The following IL9 variants were observed in gnomAD, a reference collection of about 807,000 sequenced individuals.
The protein encoded by IL9 is interleukin-9.
IL9 carries 16 observed loss-of-function variants against 12.9 expected under a neutral mutation model. The observed-to-expected ratio is 1.24, with a 90% CI of 0.84 to 1.88. The LOEUF is 1.88. Among genes scored for constraint, IL9 ranks in the 40% most tolerant of loss-of-function variants. The probability of loss-of-function intolerance (pLI) is 0.00; values close to 1 mark genes in which losing one functional copy is unlikely to be tolerated. For missense variants in IL9, 170 were observed against 173.1 expected (o/e 0.98, Z 0.10); for synonymous variants, 69 against 63.8 (o/e 1.08, Z -0.39).
chr5:135,894,020 T>C lies in IL9; in HGVS notation c.315A>G (p.Pro105=). ...ATATCACATATGAAAACAAACTTACTGGACACTTGTTGTTCTTTAGTACTT... is the reference window on the plus strand; with the variant it reads ...ATATCACATATGAAAACAAACTTACCGGACACTTGTTGTTCTTTAGTACTT... The part of the protein sequence containing the change: ...SVEVLKNNKC[P]YFSCEQPCNQ... The change falls in exon 4 of 5, where the codon CCA becomes CCG. Residue 105 remains proline (P), a splice_region_variant and synonymous_variant. Coordinates refer to ENST00000274520, the MANE Select transcript of IL9 (RefSeq NM_000590.2). The C allele has an allele frequency of 6.2e-7, 1 of 1,609,756 alleles. No individual in the cohort carries two copies. The highest frequency in any genetic ancestry group is 8.5e-7 in the Non-Finnish European group (1 of 1,179,070).
chr5:135,892,648 G>T (rs574435595), intron 4 of IL9, 138 bp from the exon 5 acceptor site: 9 of 879,578 alleles, frequency 1.0e-5, no homozygotes, highest in Non-Finnish European at 1.5e-5. Flanking sequence ...GAGACACAGA[G>T]CAAATAGGTG....
At position 135,894,099 on chromosome 5, in the gene IL9, G is replaced by C; in HGVS notation, c.236C>G (p.Thr79Ser). ...FSERLSQMTN[T>S]TMQTRYPLIF... ...CAGTGGGTATCTTGTTTGCATGGTGGTATTGGTCATCTGAGACAGTCTCTC... is the reference window on the plus strand; with the variant it reads ...CAGTGGGTATCTTGTTTGCATGGTGCTATTGGTCATCTGAGACAGTCTCTC... The change falls in exon 4 of 5, where the codon ACC (threonine) becomes AGC (serine). Residue 79 changes from threonine (T) to serine (S), a missense_variant. Coordinates refer to ENST00000274520, the MANE Select transcript of IL9 (RefSeq NM_000590.2). 6.2e-7 allele frequency: 1 copy of C among 1,613,322 alleles called. No homozygotes were observed. The highest frequency in any genetic ancestry group is 8.5e-7 in the Non-Finnish European group (1 of 1,179,492).
chr5:135,893,977 G>T, intron 4 of IL9, 43 bp downstream of exon 4: 2 of 1,565,936 alleles, frequency 1.3e-6, no homozygotes, highest in Non-Finnish European at 8.7e-7. Context: ...CATTCACATA[G>T]AAATCACCAA....
chr5:135,895,576 G>A lies in IL9; in HGVS notation c.129C>T (p.Ser43=). Residue 43 remains serine (S), a synonymous_variant, in exon 2 of 5, where the codon TCC becomes TCT. Coordinates refer to ENST00000274520, the MANE Select transcript of IL9 (RefSeq NM_000590.2). ...LINKMQEDPA[S]KCHCSANVTS... ...TCACATTAGCACTGCAGTGGCACTT[G>A]GAAGCTGGATCTTCCTAAAGTAGAT... 2 of 1,614,110 alleles carry A rather than the reference G, an allele frequency of 1.2e-6. No individual in the cohort carries two copies. Among genetic ancestry groups the A allele is most frequent in the Non-Finnish European group, 1.7e-6 (2 of 1,179,972 alleles).
intron 3 of IL9, among the ~76,000 whole-genome samples, chr5:135,894,870 C>T (rs1234174815): frequency 6.6e-6 from 1 of 152,216 alleles, no homozygotes; most frequent in African/African-American, 2.4e-5. Context: ...CTCACAACCT[C>T]AGATCCTCTA....
Position 135,894,228 on chromosome 5 carries a change from T to C in IL9, c.184-77A>G. On this transcript the variant is annotated intron_variant, in intron 3 of 4. Transcript: ENST00000274520. Reference sequence around the variant, plus strand: ...AAATATATCACAAAGAGCAATATAATAGAGATGATTTTTATTTAATCACCA... The same window carrying C: ...AAATATATCACAAAGAGCAATATAACAGAGATGATTTTTATTTAATCACCA... The C allele has an allele frequency of 6.6e-6, 9 of 1,365,530 alleles. No individual in the cohort carries two copies. In the South Asian group the frequency reaches 8.9e-5, roughly 14 times the overall value. 84.6% of individuals were successfully genotyped at this position (1,365,530 alleles called of 1,614,324 possible).
At position 135,892,500 on chromosome 5, in the gene IL9, C is replaced by G. The variant is rs752950009; in HGVS notation, c.326G>C (p.Cys109Ser). The G allele has an allele frequency of 6.2e-7, 1 of 1,612,064 alleles. No homozygotes were observed. Among genetic ancestry groups the G allele is most frequent in the South Asian group, 1.1e-5 (1 of 90,504 alleles). The part of the protein sequence containing the change: ...LKNNKCPYFS[C>S]EQPCNQTTAG... Reference sequence around the variant, plus strand: ...CGTGGTTTGGTTGCATGGCTGTTCACAGGAAAAATACTGTGGGGATGAAAG... The same window carrying G: ...CGTGGTTTGGTTGCATGGCTGTTCAGAGGAAAAATACTGTGGGGATGAAAG... The change falls in exon 5 of 5, where the codon TGT becomes TCT. Residue 109 changes from cysteine to serine, a missense_variant. Transcript: ENST00000274520.
In IL9 at chr5:135,892,340, TAAAG is replaced by T. The variant is rs776791609; in HGVS notation, c.*47_*50del. 16 of 1,405,310 alleles carry T rather than the reference TAAAG, an allele frequency of 1.1e-5. No individual in the cohort carries two copies. Among genetic ancestry groups the T allele is most frequent in the African/African-American group, 2.9e-5 (2 of 68,566 alleles). The allele number at this position is 1,405,310 out of a possible 1,614,324, so 87.1% of individuals were successfully genotyped here. ...ACTTGATTTTTAAATTGTAGCAACT[TAAAG>T]AGAAAGCTTTTTAAATTTAATAAAT... On this transcript the variant is annotated 3_prime_UTR_variant, in exon 5 of 5. Coordinates refer to ENST00000274520, the MANE Select transcript of IL9 (RefSeq NM_000590.2).
rs560050756 is a variant in IL9 at position 135,894,984 on chromosome 5, G to T, written c.183+456C>A. 2.0e-5 allele frequency among the ~76,000 whole-genome samples: 3 copies of T among 152,242 alleles called. No individual in the cohort carries two copies. The East Asian group carries it at 5.8e-4, about 29-fold the overall frequency. On this transcript the variant is annotated intron_variant, in intron 3 of 4. Coordinates refer to ENST00000274520, the MANE Select transcript of IL9 (RefSeq NM_000590.2). Reference sequence around the variant, plus strand: ...GGAGGCAGGGAGGGGGAGGTATAGCGCATAGATCATTCATGACAGATGAAA... The same window carrying T: ...GGAGGCAGGGAGGGGGAGGTATAGCTCATAGATCATTCATGACAGATGAAA...
At chr5:135,893,740 T>G (rs1028737079) in intron 4 of IL9, among the ~76,000 whole-genome samples, 1 of 152,238 alleles carries the variant, frequency 6.6e-6, no homozygotes, top group Non-Finnish European at 1.5e-5. Flanking sequence ...TTCTCTAGAT[T>G]GTAGCTTCTA....
Position 135,892,397 on chromosome 5 carries a change from C to T in IL9, c.429G>A (p.Lys143=). ...GATAAATAATATTTCATCTTCATATCTTGCCTCTCATCCCTCTCATCTTTT... is the reference window on the plus strand; with the variant it reads ...GATAAATAATATTTCATCTTCATATTTTGCCTCTCATCCCTCTCATCTTTT... ...QKEKMRGMRG[K]I Residue 143 remains lysine, a synonymous_variant, in exon 5 of 5, where the codon AAG becomes AAA. Transcript: ENST00000274520. 6.3e-7 allele frequency: 1 copy of T among 1,595,166 alleles called. No homozygotes were observed. The highest frequency in any genetic ancestry group is 8.6e-7 in the Non-Finnish European group (1 of 1,168,128).
rs765973842 is a variant in IL9 at position 135,895,812 on chromosome 5, A to G, written c.5T>C (p.Leu2Pro). The change falls in exon 1 of 5, where the codon CTT becomes CCT. Residue 2 changes from leucine to proline, a missense_variant. By Grantham distance (98) the Leu-to-Pro change is moderately conservative. Coordinates refer to ENST00000274520, the MANE Select transcript of IL9 (RefSeq NM_000590.2). ...GGCAGAGGTAAGGACCATGGCCAGA[A>G]GCATCTTGACAGCGGACTGGAGCTC... Reference protein sequence around the residue: MLLAMVLTSALL... With the variant: MPLAMVLTSALL... The G allele has an allele frequency of 1.2e-6, 2 of 1,611,818 alleles. No individual in the cohort carries two copies. Among genetic ancestry groups the G allele is most frequent in the South Asian group, 1.1e-5 (1 of 90,960 alleles).
intron 4 of IL9, among the ~76,000 whole-genome samples, chr5:135,892,997 C>T (rs1470160645): frequency 2.0e-5 from 3 of 152,132 alleles, no homozygotes; most frequent in Non-Finnish European, 4.4e-5. Flanking sequence ...GTTAACCTCA[C>T]TGAGAGTAAT....
chr5:135,892,990 A>T (rs1762894721), intron 4 of IL9, among the ~76,000 whole-genome samples: 2 of 152,242 alleles, frequency 1.3e-5, no homozygotes. Flanking sequence ...CAAATTAGTT[A>T]ACCTCACTGA....
Position 135,895,582 on chromosome 5 carries a change from TG to T in IL9, c.122del (p.Pro41GlnfsTer11). On this transcript the variant is annotated frameshift_variant, in exon 2 of 5. Transcript: ENST00000274520. LOFTEE classifies it high-confidence loss of function. ...TAGCACTGCAGTGGCACTTGGAAGC[TG>T]GATCTTCCTAAAGTAGATAGAGAGA... ...NFLINKMQED[P>X]ASKCHCSANV... The T allele has an allele frequency of 6.2e-7, 1 of 1,614,198 alleles. No individual in the cohort carries two copies. The highest frequency in any genetic ancestry group is 1.1e-5 in the South Asian group (1 of 91,088).
intron 3 of IL9, among the ~76,000 whole-genome samples, 191 bp from the exon 4 acceptor site, chr5:135,894,342 G>A (rs746774070): frequency 5.3e-5 from 8 of 152,184 alleles, no homozygotes; most frequent in Non-Finnish European, 1.0e-4. Context: ...TTTTTCCACA[G>A]TGACATCCCC....
Position 135,895,751 on chromosome 5 carries a change from T to TGGAC in IL9, c.62_65dup (p.Thr23SerfsTer29). ...TGATGTCCAGGATCCCCGCCAAGGT[T>TGGAC]GGACACCCCTGGCCTGCCACGGAGC... On this transcript the variant is annotated frameshift_variant, in exon 1 of 5. Transcript: ENST00000274520. LOFTEE classifies it high-confidence loss of function. 6.2e-7 allele frequency: 1 copy of TGGAC among 1,614,130 alleles called. No individual in the cohort carries two copies. Among genetic ancestry groups the TGGAC allele is most frequent in the Non-Finnish European group, 8.5e-7 (1 of 1,179,994 alleles).
At position 135,892,350 on chromosome 5, in the gene IL9, G is replaced by A. The variant is rs1762878553; in HGVS notation, c.*41C>T. 1 of 1,452,370 alleles carries A rather than the reference G, an allele frequency of 6.9e-7. No individual in the cohort carries two copies. The highest frequency in any genetic ancestry group is 1.3e-5 in the South Asian group (1 of 75,942). The allele number at this position is 1,452,370 out of a possible 1,614,324, so 90.0% of individuals were successfully genotyped here. On this transcript the variant is annotated 3_prime_UTR_variant, in exon 5 of 5. Coordinates refer to ENST00000274520, the MANE Select transcript of IL9 (RefSeq NM_000590.2). ...TAAATTGTAGCAACTTAAAGAGAAA[G>A]CTTTTTAAATTTAATAAATAGGATA...
At position 135,895,650 on chromosome 5, in the gene IL9, A is replaced by G. The variant is rs1419608165; in HGVS notation, c.114+53T>C. On this transcript the variant is annotated intron_variant, in intron 1 of 4. Coordinates refer to ENST00000274520, the MANE Select transcript of IL9 (RefSeq NM_000590.2). ...GCCCCGAGTTTTTTCATCCTCATAC[A>G]TATTTCACTTTGTCAGTAGCTGTCT... 3.1e-6 allele frequency: 5 copies of G among 1,607,162 alleles called. No homozygotes were observed. In the African/African-American group the frequency reaches 4.0e-5, roughly 13 times the overall value.
Sources: allele counts gnomAD v4.1 joint callset (sites outside exome capture counted in the v4.1 genomes callset), GRCh38; gene constraint gnomAD v4.1.1; transcripts MANE v1.5; gene names NCBI Gene and HGNC (gene_info 2026-07-23, HGNC 2026-07-21).